The following DGKI variants were observed in gnomAD, a reference collection of about 807,000 sequenced individuals.
DGKI encodes diacylglycerol kinase iota.
A neutral mutation model predicts 147.5 loss-of-function variants in DGKI; 55 were observed. The ratio of observed to expected loss-of-function variants is 0.37; its 90% CI spans 0.30 to 0.47. DGKI has a LOEUF of 0.47. Ranked by LOEUF, DGKI falls within the 20% of genes least tolerant of loss-of-function variation. The probability of loss-of-function intolerance (pLI) is 1.00; values close to 1 mark genes in which losing one functional copy is unlikely to be tolerated. For missense variants in DGKI, 1,007 were observed against 1,323.8 expected, an observed-to-expected ratio of 0.76 and a Z score of 3.71; for synonymous variants, 469 against 477.1, an observed-to-expected ratio of 0.98 and a Z score of 0.22.
intron 1 of DGKI, among the ~76,000 whole-genome samples, chr7:137,769,216 T>C (rs1238255898): frequency 6.6e-6 from 1 of 152,122 alleles, no homozygotes; most frequent in East Asian, 1.9e-4. Flanking sequence ...TTAGACCCGG[T>C]AGATGAACTC....
At chr7:137,565,815 G>C (rs977706005) in intron 19 of DGKI, among the ~76,000 whole-genome samples, 2 of 151,968 alleles carry the variant, frequency 1.3e-5, no homozygotes. Context: ...ACTCCAAAAA[G>C]GTAATCAGAT....
chr7:137,704,584 G>A (rs975727697), intron 1 of DGKI, among the ~76,000 whole-genome samples: 9 of 152,126 alleles, frequency 5.9e-5, no homozygotes, highest in Admixed American at 2.6e-4. Context: ...GAAGAGAAAA[G>A]GGGGCAAAAA....
chr7:137,432,881 A>AC, intron 28 of DGKI, among the ~76,000 whole-genome samples: 1 of 152,222 alleles, frequency 6.6e-6, no homozygotes, highest in Middle Eastern at 3.4e-3. Context: ...CATATCCCAT[A>AC]CTCTTGTGGC....
At chr7:137,496,755 A>G (rs1360118675) in intron 21 of DGKI, among the ~76,000 whole-genome samples, 2 of 152,084 alleles carry the variant, frequency 1.3e-5, no homozygotes, top group Admixed American at 1.3e-4. Context: ...ATATGCAGAG[A>G]CTGAAACTGA....
At chr7:137,416,224 A>T (rs941334276) in intron 28 of DGKI, among the ~76,000 whole-genome samples, 1 of 152,188 alleles carries the variant, frequency 6.6e-6, no homozygotes, top group Non-Finnish European at 1.5e-5. Context: ...ACTCCCCAGG[A>T]CAAAGGCTAT....
chr7:137,632,728 A>G (rs10238205), intron 6 of DGKI, among the ~76,000 whole-genome samples: 27,795 of 151,964 alleles, frequency 0.18, 7,766 homozygotes, highest in African/African-American at 0.61. Flanking sequence ...GCGTGGTGGC[A>G]CACGCCTGTA....
At chr7:137,832,313 C>T (rs1475929262) in intron 1 of DGKI, among the ~76,000 whole-genome samples, 1 of 152,254 alleles carries the variant, frequency 6.6e-6, no homozygotes, top group African/African-American at 2.4e-5. Flanking sequence ...CATGAGGGCC[C>T]TGCCCCTGTA....
chr7:137,625,139 T>A (rs1820888465), intron 6 of DGKI, among the ~76,000 whole-genome samples: 1 of 152,032 alleles, frequency 6.6e-6, no homozygotes, highest in Non-Finnish European at 1.5e-5. Context: ...CAGAAAAGAG[T>A]TAACATAGCA....
chr7:137,707,109 C>CT (rs1794062281), intron 1 of DGKI, among the ~76,000 whole-genome samples: 1 of 152,176 alleles, frequency 6.6e-6, no homozygotes, highest in Non-Finnish European at 1.5e-5. Flanking sequence ...TCATTTTGAT[C>CT]TTGTTCATTT....
intron 1 of DGKI, among the ~76,000 whole-genome samples, chr7:137,815,967 T>C (rs1370833966): frequency 6.6e-6 from 1 of 152,162 alleles, no homozygotes; most frequent in Non-Finnish European, 1.5e-5. Context: ...CCCTAAATAA[T>C]CAAGTCTGCT....
chr7:137,512,522 C>T (rs939228272), intron 21 of DGKI, among the ~76,000 whole-genome samples: 2 of 152,144 alleles, frequency 1.3e-5, no homozygotes, highest in Non-Finnish European at 2.9e-5. Flanking sequence ...GGTAAGACAG[C>T]AACCAAATGG....
intron 21 of DGKI, among the ~76,000 whole-genome samples, chr7:137,515,884 G>C (rs796481855): frequency 2.0e-5 from 3 of 152,088 alleles, no homozygotes; most frequent in African/African-American, 7.2e-5. Context: ...CAAGAGATGG[G>C]AAAAGACAGT....
At chr7:137,455,235 G>C (rs1317467746) in intron 27 of DGKI, among the ~76,000 whole-genome samples, 1 of 151,994 alleles carries the variant, frequency 6.6e-6, no homozygotes, top group African/African-American at 2.4e-5. Context: ...GAGAGGGTGG[G>C]AACAGAATCT....
At chr7:137,815,224 G>C (rs1261338601) in intron 1 of DGKI, among the ~76,000 whole-genome samples, 4 of 152,128 alleles carry the variant, frequency 2.6e-5, no homozygotes, top group Non-Finnish European at 5.9e-5. Flanking sequence ...AGAAAGAGAA[G>C]ACACCATGTG....
At chr7:137,708,542 T>C (rs1183121254) in intron 1 of DGKI, among the ~76,000 whole-genome samples, 1 of 152,238 alleles carries the variant, frequency 6.6e-6, no homozygotes, top group Non-Finnish European at 1.5e-5. Flanking sequence ...TCCGATTCAA[T>C]AAATATATTT....
intron 1 of DGKI, among the ~76,000 whole-genome samples, chr7:137,755,093 A>G (rs1406854386): frequency 6.6e-6 from 1 of 152,256 alleles, no homozygotes; most frequent in Non-Finnish European, 1.5e-5. Context: ...TTACATATGT[A>G]ATTGGCACCT....
At chr7:137,627,834 T>C (rs1424299033) in intron 6 of DGKI, among the ~76,000 whole-genome samples, 1 of 152,198 alleles carries the variant, frequency 6.6e-6, no homozygotes, top group Non-Finnish European at 1.5e-5. Context: ...AGAACCATTC[T>C]TGGATCTTCT....
At chr7:137,776,590 G>C (rs960137684) in intron 1 of DGKI, among the ~76,000 whole-genome samples, 3 of 152,218 alleles carry the variant, frequency 2.0e-5, no homozygotes, top group Admixed American at 2.0e-4. Flanking sequence ...GAGGGTAGGG[G>C]AAGAGGTGTA....
chr7:137,784,332 C>A (rs1352098231), intron 1 of DGKI, among the ~76,000 whole-genome samples: 2 of 152,070 alleles, frequency 1.3e-5, no homozygotes, highest in Non-Finnish European at 2.9e-5. Context: ...ATTCTTATAT[C>A]AGGCAAAACA....
Sources: allele counts gnomAD v4.1 joint callset (sites outside exome capture counted in the v4.1 genomes callset), GRCh38; gene constraint gnomAD v4.1.1; transcripts MANE v1.5; gene names NCBI Gene and HGNC (gene_info 2026-07-23, HGNC 2026-07-21).